The following HECTD4 variants were observed in gnomAD, a reference collection of about 807,000 sequenced individuals.
The protein encoded by HECTD4 is probable E3 ubiquitin-protein ligase HECTD4.
HECTD4 carries 114 observed loss-of-function variants against 471.5 expected under a neutral mutation model. The ratio of observed to expected loss-of-function variants is 0.24; its 90% confidence interval spans 0.21 to 0.28. The LOEUF (loss-of-function observed/expected upper bound fraction) is 0.28, where lower values mean the gene tolerates loss of function less well. Among genes scored for constraint, HECTD4 ranks in the 10% least tolerant of loss-of-function variants. The pLI, the probability that HECTD4 is intolerant of heterozygous loss-of-function variation, is 1.00. For missense variants in HECTD4, 3,866 were observed against 5,651.5 expected, an observed-to-expected ratio of 0.68 and a Z score of 10.13; for synonymous variants, 2,012 against 2,256.0, an observed-to-expected ratio of 0.89 and a Z score of 3.07.
rs368401467 is a variant in HECTD4 at position 112,219,242 on chromosome 12, G to A, written c.7074+144C>T. On this transcript the variant is annotated intron_variant, in intron 45 of 75. Transcript: ENST00000682272. ...CATTCAAAGATGAGAGCATGGCACC[G>A]CAAAGAGGGCATGTCACTGCAAAAG... is the stretch of plus-strand genomic sequence containing the variant. The A allele has an allele frequency of 1.4e-4, 68 of 476,468 alleles. No homozygotes were observed. In the South Asian group the frequency reaches 2.8e-3, roughly 20 times the overall value. The allele number at this position is 476,468 out of a possible 1,614,324, so 29.5% of individuals were successfully genotyped here.
intron 55 of HECTD4, among the ~76,000 whole-genome samples, chr12:112,196,731 C>T (rs1415487110): frequency 6.6e-6 from 1 of 152,104 alleles, no homozygotes; most frequent in East Asian, 1.9e-4. Context: ...GCTGGGACTA[C>T]AGACATGCGC....
At chr12:112,303,409 A>G (rs1466539590) in intron 7 of HECTD4, among the ~76,000 whole-genome samples, 1 of 152,116 alleles carries the variant, frequency 6.6e-6, no homozygotes, top group Non-Finnish European at 1.5e-5. Context: ...AGGATACTAC[A>G]CTCTCCATCT....
At position 112,185,237 on chromosome 12, in the gene HECTD4, C is replaced by T. The variant is rs1361733242; in HGVS notation, c.9729G>A (p.Ala3243=). 9 of 1,550,420 alleles carry T rather than the reference C, an allele frequency of 5.8e-6. No homozygotes were observed. Among genetic ancestry groups the T allele is most frequent in the African/African-American group, 2.7e-5 (2 of 73,032 alleles). ...TAGAGAACCTGCCCTGGTCACCGGC[C>T]GCCGCCCCCCCGGAGCCCCCGCAGG... The part of the protein sequence containing the change: ...GGACGGSGGA[A]AGDQGRFSTY... Residue 3243 remains alanine, a synonymous_variant, in exon 61 of 76, where the codon GCG becomes GCA. Coordinates refer to ENST00000682272, the MANE Select transcript of HECTD4 (RefSeq NM_001388303.1).
intron 49 of HECTD4, 72 bp downstream of exon 49, chr12:112,212,415 T>C: frequency 7.7e-7 from 1 of 1,299,106 alleles, no homozygotes; most frequent in Non-Finnish European, 1.1e-6. Flanking sequence ...TTGCTCCCTT[T>C]CATTTTTCCA....
intron 1 of HECTD4, among the ~76,000 whole-genome samples, chr12:112,354,051 T>G (rs1315848306): frequency 6.6e-6 from 1 of 151,876 alleles, no homozygotes; most frequent in Non-Finnish European, 1.5e-5. Context: ...CTAAGAATAA[T>G]AATAATAATA....
rs2034390957 is a variant in HECTD4, at chr12:112,270,446, G to A, written c.1956C>T (p.Thr652=). The change falls in exon 12 of 76, where the codon ACC becomes ACT. Residue 652 remains threonine, a synonymous_variant. Coordinates refer to ENST00000682272, the MANE Select transcript of HECTD4 (RefSeq NM_001388303.1). ...IITEPKEEAI[T]TNEVINQLLH... is the part of the protein sequence containing the mutation. ...ATAATTGGTTTATAACCTCATTCGT[G>A]GTTATAGCCTCTTCTAGAAGATGAA... is the stretch of plus-strand genomic sequence containing the variant. 1 of 1,613,754 alleles carries A rather than the reference G, an allele frequency of 6.2e-7. No individual in the cohort carries two copies. The highest frequency in any genetic ancestry group is 8.5e-7 in the Non-Finnish European group (1 of 1,179,668).
intron 68 of HECTD4, chr12:112,170,837 G>C: frequency 2.1e-6 from 1 of 473,100 alleles, no homozygotes; most frequent in South Asian, 3.3e-5. Flanking sequence ...TAGGGATGTG[G>C]AGGCCAGATA....
At chr12:112,362,690 T>C (rs1181107998) in intron 1 of HECTD4, among the ~76,000 whole-genome samples, 2 of 152,156 alleles carry the variant, frequency 1.3e-5, no homozygotes, top group Admixed American at 6.6e-5. Flanking sequence ...GTATTCTCTC[T>C]TGAACTAATT....
At position 112,229,836 on chromosome 12, in the gene HECTD4, G is replaced by A. The variant is rs1435943235; in HGVS notation, c.6381C>T (p.Tyr2127=). The A allele has an allele frequency of 5.6e-6, 9 of 1,613,972 alleles. No individual in the cohort carries two copies. Among genetic ancestry groups the A allele is most frequent in the East Asian group, 2.2e-5 (1 of 44,886 alleles). ...TGCCATTTTCCAGAATGCTTTCTGCGTATTTCCCCAATTGTGGAATGTACA... is the reference window on the plus strand; with the variant it reads ...TGCCATTTTCCAGAATGCTTTCTGCATATTTCCCCAATTGTGGAATGTACA... ...ALMYIPQLGK[Y]AESILENGSS... The change falls in exon 41 of 76, where the codon TAC becomes TAT. Residue 2127 remains tyrosine (Y), a synonymous_variant. Transcript: ENST00000682272.
At chr12:112,168,068 G>A (rs888821609) in intron 70 of HECTD4, among the ~76,000 whole-genome samples, 151 bp from the exon 71 acceptor site, 2 of 152,196 alleles carry the variant, frequency 1.3e-5, no homozygotes, top group Non-Finnish European at 2.9e-5. Flanking sequence ...CCAGGCCTGG[G>A]AGGCCTCAGG....
chr12:112,192,854 G>T, intron 58 of HECTD4, 89 bp from the exon 59 acceptor site: 1 of 1,263,026 alleles, frequency 7.9e-7, no homozygotes, highest in Non-Finnish European at 1.1e-6. Context: ...GGGGACGTTA[G>T]ATGAGAACTG....
chr12:112,324,278 C>T (rs1207953557), intron 1 of HECTD4, among the ~76,000 whole-genome samples: 1 of 150,640 alleles, frequency 6.6e-6, no homozygotes, highest in Admixed American at 6.7e-5. Flanking sequence ...TGCCACTATG[C>T]AGCTAATTTT....
At chr12:112,367,306 A>AAAG (rs2036581382) in intron 1 of HECTD4, among the ~76,000 whole-genome samples, 31 of 133,890 alleles carry the variant, frequency 2.3e-4, no homozygotes, top group African/African-American at 8.0e-4. Flanking sequence ...CTCAAAAAAA[A>AAAG]AAAGAAAGAA....
chr12:112,168,900 C>A (rs1204550570), intron 70 of HECTD4, among the ~76,000 whole-genome samples: 1 of 152,222 alleles, frequency 6.6e-6, no homozygotes, highest in Admixed American at 6.5e-5. Flanking sequence ...CATAGGATGC[C>A]AGGGTCCCCC....
In HECTD4 at chr12:112,190,814, G is replaced by C. The variant is rs373128788; in HGVS notation, c.9444C>G (p.Ser3148=). The C allele has an allele frequency of 3.8e-6, 6 of 1,588,894 alleles. No individual in the cohort carries two copies. The Admixed American group carries it at 7.0e-5, about 19-fold the overall frequency. The part of the protein sequence containing the change: ...SEDEPDTIPT[S]VLLQVVELLG... ...GCAGCTCCACCACCTGCAGGAGGAC[G>C]GATGTCGGAATGGTGTCAGGCTCAT... The change falls in exon 60 of 76, where the codon TCC becomes TCG. Residue 3148 remains serine, a synonymous_variant. Transcript: ENST00000682272.
At position 112,256,360 on chromosome 12, in the gene HECTD4, C is replaced by T; in HGVS notation, c.3287G>A (p.Arg1096Lys). The T allele has an allele frequency of 6.2e-7, 1 of 1,608,316 alleles. No homozygotes were observed. The highest frequency in any genetic ancestry group is 8.5e-7 in the Non-Finnish European group (1 of 1,177,656). Reference sequence around the variant, plus strand: ...TTGCGAAGAGCATCTGCTATCAAATCTAAGGTACAGGCAGCGAGCTCCTGG... The same window carrying T: ...TTGCGAAGAGCATCTGCTATCAAATTTAAGGTACAGGCAGCGAGCTCCTGG... ...HIPGARCLYLRFDSRCSSQYD... is the reference protein window; with the variant it reads ...HIPGARCLYLKFDSRCSSQYD... The change falls in exon 21 of 76, where the codon AGA (arginine) becomes AAA (lysine). Residue 1096 changes from arginine (R) to lysine (K), a missense_variant. By Grantham distance (26) the Arg-to-Lys change is conservative (BLOSUM62 2). Transcript: ENST00000682272.
At chr12:112,224,359 G>A (rs530447987) in intron 44 of HECTD4, among the ~76,000 whole-genome samples, 11 of 151,166 alleles carry the variant, frequency 7.3e-5, no homozygotes, top group East Asian at 1.9e-4. Flanking sequence ...TCCACCTCCC[G>A]GGGTTCACGC....
At chr12:112,303,250 G>T (rs1280238800) in intron 7 of HECTD4, among the ~76,000 whole-genome samples, 3 of 152,074 alleles carry the variant, frequency 2.0e-5, no homozygotes, top group Non-Finnish European at 4.4e-5. Context: ...GTAAACTCAC[G>T]GTCTACCACC....
chr12:112,246,863 A>AT lies in HECTD4; in HGVS notation c.4513+37dup, dbSNP rs921755004. Reference sequence around the variant, plus strand: ...TGAACAGAGTATATTCTCTGTTCATATAACAGAAGCCGATTAGGGGCTATC... The same window carrying AT: ...TGAACAGAGTATATTCTCTGTTCATATTAACAGAAGCCGATTAGGGGCTATC... On this transcript the variant is annotated intron_variant, in intron 29 of 75. Transcript: ENST00000682272. 5 of 1,578,120 alleles carry AT rather than the reference A, an allele frequency of 3.2e-6. No individual in the cohort carries two copies. The African/African-American group carries it at 6.8e-5, about 22-fold the overall frequency.
Sources: allele counts gnomAD v4.1 joint callset (sites outside exome capture counted in the v4.1 genomes callset), GRCh38; gene constraint gnomAD v4.1.1; transcripts MANE v1.5; gene names NCBI Gene and HGNC (gene_info 2026-07-23, HGNC 2026-07-21).